The following SLC22A16 variants were observed in gnomAD, a reference collection of about 807,000 sequenced individuals.
SLC22A16 encodes the protein WUGSC:RG331P03.1.
Under a neutral mutation model 52.9 loss-of-function variants are expected in SLC22A16, and 53 were observed. The ratio of observed to expected loss-of-function variants is 1.00; its 90% CI spans 0.80 to 1.26. SLC22A16 has a LOEUF of 1.26. Ranked by LOEUF, SLC22A16 falls within the 50% of genes most tolerant of loss-of-function variation. SLC22A16 has a pLI of 0.00. For missense variants in SLC22A16, 726 were observed against 704.0 expected (o/e 1.03, Z -0.35); for synonymous variants, 291 against 268.8 (o/e 1.08, Z -0.81).
intron 6 of SLC22A16, among the ~76,000 whole-genome samples, chr6:110,432,360 A>T (rs1168637518): frequency 6.6e-6 from 1 of 152,210 alleles, no homozygotes; most frequent in African/African-American, 2.4e-5. Flanking sequence ...CAAAGAAAAG[A>T]TCTTAAAAAA....
At chr6:110,448,517 G>A (rs1336052149) in intron 2 of SLC22A16, among the ~76,000 whole-genome samples, 2 of 152,206 alleles carry the variant, frequency 1.3e-5, no homozygotes, top group African/African-American at 4.8e-5. Flanking sequence ...TGGTGCAGCA[G>A]AGGATATGCA....
At chr6:110,446,438 C>T (rs1440295324) in intron 3 of SLC22A16, among the ~76,000 whole-genome samples, 1 of 152,180 alleles carries the variant, frequency 6.6e-6, no homozygotes, top group African/African-American at 2.4e-5. Flanking sequence ...GGTATTCAAA[C>T]TCGTGCCCTT....
chr6:110,463,957 C>G (rs921778188), intron 1 of SLC22A16, among the ~76,000 whole-genome samples: 1 of 149,926 alleles, frequency 6.7e-6, no homozygotes, highest in Non-Finnish European at 1.5e-5. Flanking sequence ...TCCCAGACCA[C>G]AGAGGAATAA....
rs539513760 is a variant in SLC22A16, at chr6:110,472,799, C to T, written c.53+3723G>A. On this transcript the variant is annotated intron_variant, in intron 1 of 7. Transcript: ENST00000368919. The stretch of plus-strand genomic sequence containing the variant: ...TATGACACTCTAATGGAAAAATAAT[C>T]ACACAAACACAATCGGCAGAAAACC... Among the ~76,000 whole-genome samples, 50 of 152,270 alleles carry T rather than the reference C, an allele frequency of 3.3e-4. 1 individual carries two copies. The South Asian group carries it at 9.3e-3, about 28-fold the overall frequency.
intron 1 of SLC22A16, among the ~76,000 whole-genome samples, chr6:110,474,668 C>T (rs1272861757): frequency 6.6e-6 from 1 of 152,228 alleles, no homozygotes; most frequent in East Asian, 1.9e-4. Context: ...CCCCTCTTCA[C>T]CGTAGTGAGC....
intron 4 of SLC22A16, among the ~76,000 whole-genome samples, chr6:110,439,638 C>T (rs370930566): frequency 2.6e-5 from 4 of 152,018 alleles, no homozygotes; most frequent in East Asian, 1.9e-4. Flanking sequence ...TGAGATGGCA[C>T]GATGTCTACG....
At chr6:110,476,435 C>A in intron 1 of SLC22A16, 87 bp downstream of exon 1, 1 of 1,404,828 alleles carries the variant, frequency 7.1e-7, no homozygotes, top group Non-Finnish European at 9.3e-7. Flanking sequence ...GGATCGCGAG[C>A]GCCGCGCGAG....
chr6:110,457,034 G>A lies in SLC22A16; in HGVS notation c.54-17C>T. The A allele has an allele frequency of 6.6e-7, 1 of 1,515,362 alleles. No homozygotes were observed. Among genetic ancestry groups the A allele is most frequent in the Non-Finnish European group, 8.8e-7 (1 of 1,134,126 alleles). The allele number at this position is 1,515,362 out of a possible 1,614,324, so 93.9% of individuals were successfully genotyped here. A position where few individuals can be genotyped will look rare whatever the true frequency, so the allele number is the denominator to read the frequency against. On this transcript the variant is annotated splice_polypyrimidine_tract_variant and intron_variant, in intron 1 of 7. Coordinates refer to ENST00000368919, the MANE Select transcript of SLC22A16 (RefSeq NM_033125.4). ...CTCTGGAATCTGCAAGAGAAGAAAAGCTAATTATTATATCTGGTCTATAGG... is the reference window on the plus strand; with the variant it reads ...CTCTGGAATCTGCAAGAGAAGAAAAACTAATTATTATATCTGGTCTATAGG...
rs372346449 is a variant in SLC22A16 at position 110,469,484 on chromosome 6, G to A, written c.53+7038C>T. On this transcript the variant is annotated intron_variant, in intron 1 of 7. Coordinates refer to ENST00000368919, the MANE Select transcript of SLC22A16 (RefSeq NM_033125.4). ...GAATAGCTGGAACCTGGAAGCATAC[G>A]TTGCAGTGAGCCAAGATCGTGCCAC... Among the ~76,000 whole-genome samples, 13 of 152,344 alleles carry A rather than the reference G, an allele frequency of 8.5e-5. No individual in the cohort carries two copies. The South Asian group carries it at 1.0e-3, about 12-fold the overall frequency.
Position 110,436,883 on chromosome 6 carries a change from G to A in SLC22A16, c.1312-922C>T, listed in dbSNP as rs943506903. Among the ~76,000 whole-genome samples the A allele has an allele frequency of 1.9e-3, 282 of 151,932 alleles. 3 individuals are homozygous for A. The highest frequency in any genetic ancestry group is 3.4e-4 in the Non-Finnish European group (23 of 67,998). On this transcript the variant is annotated intron_variant, in intron 5 of 7. Transcript: ENST00000368919. ...AACTAACAAAGACACCCTATATTCC[G>A]AAATCTCCCTCCTCCCCCATCTGCC...
At chr6:110,468,699 A>G (rs1188762374) in intron 1 of SLC22A16, among the ~76,000 whole-genome samples, 2 of 151,990 alleles carry the variant, frequency 1.3e-5, no homozygotes, top group African/African-American at 2.4e-5. Flanking sequence ...AAAAGAAAAA[A>G]AGAAATCAGC....
At chr6:110,443,630 G>A (rs560281718) in intron 3 of SLC22A16, among the ~76,000 whole-genome samples, 3 of 152,166 alleles carry the variant, frequency 2.0e-5, no homozygotes, top group South Asian at 2.1e-4. Flanking sequence ...ACAGTATGAC[G>A]ATTCCTCAAA....
intron 2 of SLC22A16, chr6:110,455,944 G>A (rs1273509317): frequency 6.6e-6 from 1 of 152,430 alleles, no homozygotes; most frequent in Non-Finnish European, 1.5e-5. Context: ...CAATCCTGTT[G>A]GCACCTTATC....
intron 1 of SLC22A16, among the ~76,000 whole-genome samples, chr6:110,471,888 C>T (rs977489662): frequency 1.3e-5 from 2 of 152,182 alleles, no homozygotes; most frequent in South Asian, 2.1e-4. Context: ...CAGCAACACC[C>T]CTGCTGAGGC....
In SLC22A16 at chr6:110,472,797, A is replaced by G. The variant is rs112563292; in HGVS notation, c.53+3725T>C. Among the ~76,000 whole-genome samples the G allele has an allele frequency of 4.0e-3, 613 of 152,344 alleles. 2 individuals carry two copies. Among genetic ancestry groups the G allele is most frequent in the African/African-American group, 0.014 (586 of 41,580 alleles). On this transcript the variant is annotated intron_variant, in intron 1 of 7. Coordinates refer to ENST00000368919, the MANE Select transcript of SLC22A16 (RefSeq NM_033125.4). ...GATATGACACTCTAATGGAAAAATA[A>G]TCACACAAACACAATCGGCAGAAAA...
rs754946220 is a variant in SLC22A16, at chr6:110,431,264, C to T, written c.1428G>A (p.Leu476=). The stretch of plus-strand genomic sequence containing the variant: ...ACACCATGCTGCCGCTTCCCACAGC[C>T]AGCGATCTGGAAACAGAGGAGAGAG... ...AELYPTIVRS[L]AVGSGSMVCR... The change falls in exon 7 of 8, where the codon CTG becomes CTA. Residue 476 remains leucine, a synonymous_variant. Transcript: ENST00000368919. 1.1e-5 allele frequency: 17 copies of T among 1,611,870 alleles called. No individual in the cohort carries two copies. In the East Asian group the frequency reaches 3.8e-4, roughly 36 times the overall value.
At chr6:110,475,341 A>T (rs1448476869) in intron 1 of SLC22A16, among the ~76,000 whole-genome samples, 1 of 152,174 alleles carries the variant, frequency 6.6e-6, no homozygotes, top group Non-Finnish European at 1.5e-5. Flanking sequence ...TGGTTTTCTC[A>T]TCTGTGAAAA....
intron 6 of SLC22A16, among the ~76,000 whole-genome samples, chr6:110,431,989 C>G (rs1774524005): frequency 6.6e-6 from 1 of 151,998 alleles, no homozygotes; most frequent in Admixed American, 6.6e-5. Context: ...TATCTGTATA[C>G]CTGTGTACTG....
intron 4 of SLC22A16, among the ~76,000 whole-genome samples, chr6:110,441,722 T>A (rs974285361): frequency 6.6e-6 from 1 of 152,178 alleles, no homozygotes; most frequent in Admixed American, 6.5e-5. Context: ...GCATGCTCAT[T>A]CCTCTCATCA....
Sources: allele counts gnomAD v4.1 joint callset (sites outside exome capture counted in the v4.1 genomes callset), GRCh38; gene constraint gnomAD v4.1.1; transcripts MANE v1.5; gene names NCBI Gene and HGNC (gene_info 2026-07-23, HGNC 2026-07-21).